Variants in ASPH observed in about 807,000 individuals in gnomAD.
ASPH encodes aspartyl/asparaginyl beta-hydroxylase.
Under a neutral mutation model 118.4 loss-of-function variants are expected in ASPH, and 100 were observed. That is an observed-to-expected ratio of 0.84 (90% CI 0.72 to 1.00). The LOEUF is 1.00. Ranked by LOEUF, ASPH falls within the 50% of genes least tolerant of loss-of-function variation. The probability of loss-of-function intolerance (pLI) is 0.00; values close to 1 mark genes in which losing one functional copy is unlikely to be tolerated. For synonymous variants in ASPH, 315 were observed against 325.6 expected (o/e 0.97, Z 0.35); for missense variants, 920 against 919.5 (o/e 1.00, Z -0.01).
chr8:61,571,499 T>C (rs1833464821), intron 16 of ASPH, among the ~76,000 whole-genome samples: 1 of 152,236 alleles, frequency 6.6e-6, no homozygotes, highest in Non-Finnish European at 1.5e-5. Flanking sequence ...CCCAATACAA[T>C]GTAACTTCTA....
chr8:61,637,387 C>T (rs186293314), intron 12 of ASPH, among the ~76,000 whole-genome samples: 7 of 152,244 alleles, frequency 4.6e-5, no homozygotes, highest in African/African-American at 9.6e-5. Flanking sequence ...GTGCCTACTA[C>T]GAGGAGCAAC....
At chr8:61,624,968 T>C (rs184970456) in intron 13 of ASPH, 217 of 985,136 alleles carry the variant, frequency 2.2e-4, no homozygotes, top group Admixed American at 2.0e-3. Flanking sequence ...CTCACTACAT[T>C]GTATAATAAC....
At chr8:61,714,170 C>T (rs1563687903) in intron 1 of ASPH, 99 bp downstream of exon 1, 2 of 1,274,274 alleles carry the variant, frequency 1.6e-6, no homozygotes, top group East Asian at 3.2e-5. Flanking sequence ...AGGCGGCGCG[C>T]GGTGGGACCT....
chr8:61,527,543 G>T (rs1208702924), intron 21 of ASPH, among the ~76,000 whole-genome samples: 1 of 152,216 alleles, frequency 6.6e-6, no homozygotes. Flanking sequence ...ATAATTTTAT[G>T]ATATGTATGC....
At chr8:61,520,532 C>A (rs1421528171) in intron 22 of ASPH, among the ~76,000 whole-genome samples, 3 of 152,154 alleles carry the variant, frequency 2.0e-5, no homozygotes, top group Non-Finnish European at 4.4e-5. Flanking sequence ...TCTAAGTAAC[C>A]TTTTTGGCTC....
rs1830616082 is a variant in ASPH, at chr8:61,563,357, T to C, written c.1301-477A>G. Among the ~76,000 whole-genome samples the C allele has an allele frequency of 2.6e-5, 4 of 152,190 alleles. No homozygotes were observed. In the South Asian group the frequency reaches 8.3e-4, roughly 32 times the overall value. On this transcript the variant is annotated intron_variant, in intron 17 of 24. Coordinates refer to ENST00000379454, the MANE Select transcript of ASPH (RefSeq NM_004318.4). ...TACCTAACTGCTGACACATCCCCTA[T>C]GAATGACAAGTGTACTCATCTCTAG... is the stretch of plus-strand genomic sequence containing the variant.
chr8:61,684,142 T>C lies in ASPH; in HGVS notation c.150A>G (p.Ser50=). The C allele has an allele frequency of 6.2e-7, 1 of 1,613,626 alleles. No individual in the cohort carries two copies. The highest frequency in any genetic ancestry group is 8.5e-7 in the Non-Finnish European group (1 of 1,179,682). Residue 50 remains serine (S), a synonymous_variant, in exon 2 of 25, where the codon TCA becomes TCG. Transcript: ENST00000379454. ...TAAACCACGTGAAGAATGAAGTTCC[T>C]GAGAGTCCGCCTTTCCTCCCATTCT... ...GHKNGRKGGL[S]GTSFFTWFMV...
chr8:61,501,519 C>T lies in ASPH; in HGVS notation c.*1840G>A, dbSNP rs1258870430. 1 of 152,084 alleles carries T rather than the reference C, an allele frequency of 6.6e-6. No homozygotes were observed. Among genetic ancestry groups the T allele is most frequent in the Non-Finnish European group, 1.5e-5 (1 of 68,004 alleles). The allele number at this position is 152,084 out of a possible 1,614,324, so 9.4% of individuals were successfully genotyped here. A position where few individuals can be genotyped will look rare whatever the true frequency, so the allele number is the denominator to read the frequency against. On this transcript the variant is annotated 3_prime_UTR_variant, in exon 25 of 25. Coordinates refer to ENST00000379454, the MANE Select transcript of ASPH (RefSeq NM_004318.4). The stretch of plus-strand genomic sequence containing the variant: ...TTTGAATTTATGTGTATGCAATATA[C>T]ATATGAGAACCAAATTCAACAAGTG...
chr8:61,547,701 CATGTT>C (rs1314096225), intron 21 of ASPH, among the ~76,000 whole-genome samples: 3 of 152,076 alleles, frequency 2.0e-5, no homozygotes, highest in South Asian at 4.2e-4. Context: ...TTTATACTGA[CATGTT>C]ATGAGGTTAT....
intron 22 of ASPH, among the ~76,000 whole-genome samples, chr8:61,521,759 C>T (rs866367494): frequency 4.5e-4 from 69 of 152,300 alleles, no homozygotes; most frequent in African/African-American, 1.3e-3. Flanking sequence ...ATCTAACAGC[C>T]AATGCAAATC....
chr8:61,686,679 A>C (rs1248602512), intron 1 of ASPH, among the ~76,000 whole-genome samples: 1 of 152,182 alleles, frequency 6.6e-6, no homozygotes, highest in Admixed American at 6.5e-5. Flanking sequence ...CACATACTCT[A>C]AATATGGAAT....
At chr8:61,703,421 T>C (rs1354974483) in intron 1 of ASPH, among the ~76,000 whole-genome samples, 2 of 152,178 alleles carry the variant, frequency 1.3e-5, no homozygotes, top group African/African-American at 4.8e-5. Flanking sequence ...GAAATGAATT[T>C]AGCAAAGCTA....
chr8:61,713,975 C>G (rs1196014841), intron 1 of ASPH, among the ~76,000 whole-genome samples: 2 of 152,232 alleles, frequency 1.3e-5, no homozygotes, highest in Admixed American at 1.3e-4. Flanking sequence ...AGCCAAGAAA[C>G]AGTCGTTCAG....
At chr8:61,698,285 C>T (rs1834406423) in intron 1 of ASPH, among the ~76,000 whole-genome samples, 1 of 152,222 alleles carries the variant, frequency 6.6e-6, no homozygotes, top group African/African-American at 2.4e-5. Flanking sequence ...ATAGTTTGAA[C>T]AGTTGTACCC....
intron 14 of ASPH, among the ~76,000 whole-genome samples, chr8:61,617,517 T>C (rs1159868496): frequency 6.6e-6 from 1 of 152,102 alleles, no homozygotes; most frequent in African/African-American, 2.4e-5. Context: ...CTTGTGAGAG[T>C]ATGATGATCG....
intron 22 of ASPH, among the ~76,000 whole-genome samples, chr8:61,523,032 A>C (rs1231845463): frequency 6.6e-6 from 1 of 152,200 alleles, no homozygotes; most frequent in African/African-American, 2.4e-5. Flanking sequence ...AACTTCCAGC[A>C]TCAGCCTTAG....
chr8:61,690,910 AGAGT>A (rs1004371655), intron 1 of ASPH, among the ~76,000 whole-genome samples: 5 of 152,184 alleles, frequency 3.3e-5, no homozygotes, highest in African/African-American at 1.2e-4. Context: ...AATCCGTCTG[AGAGT>A]GTGTGTGTGT....
Position 61,579,242 on chromosome 8 carries a change from T to G in ASPH, c.1063-2384A>C, listed in dbSNP as rs1283351319. The G allele has an allele frequency of 3.5e-5, 57 of 1,613,830 alleles. 1 individual carries two copies. Among genetic ancestry groups the G allele is most frequent in the Non-Finnish European group, 4.6e-5 (54 of 1,179,992 alleles). On this transcript the variant is annotated intron_variant, in intron 15 of 24. Transcript: ENST00000379454. ...CCGCCATTGCAGATGCCGAGCAGCG[T>G]GGAGAGCTGGCCATTAAGGATGCCA...
chr8:61,535,033 G>A lies in ASPH; in HGVS notation c.1765-8921C>T, dbSNP rs916061441. ...ACATGCATCCTGGGTGTCTCTCTTT[G>A]TTTCCAAAGTTCCTCTTCTTATAAG... is the stretch of plus-strand genomic sequence containing the variant. On this transcript the variant is annotated intron_variant, in intron 21 of 24. Transcript: ENST00000379454. Among the ~76,000 whole-genome samples the A allele has an allele frequency of 3.9e-5, 6 of 152,300 alleles. No homozygotes were observed. In the East Asian group the frequency reaches 1.2e-3, roughly 29 times the overall value.
Sources: gnomAD v4.1 joint callset for allele counts (sites outside exome capture counted in the v4.1 genomes callset) on GRCh38, gnomAD v4.1.1 for gene constraint, MANE v1.5 for transcripts, NCBI Gene and HGNC (gene_info 2026-07-23, HGNC 2026-07-21) for gene names.